GAS5: variants seen among roughly 807,000 people sequenced by gnomAD.
GAS5 encodes the protein growth arrest specific 5 (non-protein coding).
At chr1:173,865,707 T>C in intron 5 of GAS5, 1 of 519,214 alleles carries the variant, frequency 1.9e-6, no homozygotes, top group Non-Finnish European at 3.8e-6. Flanking sequence ...CCAAACATGC[T>C]CAAGGAAAAC....
chr1:173,865,857 C>T (rs1654515234), exon 5 of GAS5: 1 of 515,314 alleles, frequency 1.9e-6, no homozygotes, highest in African/African-American at 1.9e-5. Flanking sequence ...TAATACTTAC[C>T]AGAACCATTA....
At chr1:173,866,754 AACTT>A (rs753041648) in intron 2 of GAS5, 8 of 765,490 alleles carry the variant, frequency 1.0e-5, no homozygotes, top group Admixed American at 1.7e-5. Flanking sequence ...GGGAATTTTC[AACTT>A]ACTTCAGTAG....
At chr1:173,864,746 A>C in intron 6 of GAS5, 1 of 508,470 alleles carries the variant, frequency 2.0e-6, no homozygotes, top group Non-Finnish European at 3.9e-6. Flanking sequence ...ACTTGCATAC[A>C]ATTAGGAGTA....
intron 6 of GAS5, chr1:173,864,872 G>GT (rs1557869438): frequency 1.9e-6 from 1 of 519,164 alleles, no homozygotes; most frequent in Non-Finnish European, 3.8e-6. Context: ...GCTCATCAGC[G>GT]TTAGTCTGCT....
At chr1:173,864,605 A>G (rs1654266869) in intron 6 of GAS5, 1 of 377,660 alleles carries the variant, frequency 2.6e-6, no homozygotes, top group Non-Finnish European at 5.2e-6. Context: ...ACTCCCATCT[A>G]CAGATTAAGG....
chr1:173,866,504 A>T (rs1490123246), intron 3 of GAS5: 2 of 677,172 alleles, frequency 3.0e-6, no homozygotes, highest in South Asian at 1.5e-5. Flanking sequence ...TAAAAGTGAG[A>T]AGTACAAAAT....
chr1:173,866,645 A>T (rs944972560), intron 2 of GAS5: 1 of 764,424 alleles, frequency 1.3e-6, no homozygotes, highest in Non-Finnish European at 2.4e-6. Flanking sequence ...GCCTCAGTTA[A>T]GATAATGGTG....
upstream of GAS5, chr1:173,867,949 A>AT (rs1572036492): frequency 2.8e-6 from 1 of 360,446 alleles, no homozygotes; most frequent in East Asian, 7.4e-5. Context: ...ATTCGCAAAG[A>AT]TAAAACATAC....
At chr1:173,866,685 G>A (rs566324400) in intron 2 of GAS5, 4 of 765,140 alleles carry the variant, frequency 5.2e-6, no homozygotes, top group Admixed American at 5.1e-5. Flanking sequence ...TAGCACTCAA[G>A]AGTAGCAAAT....
At chr1:173,867,098 A>G, upstream of GAS5, 1 of 629,466 alleles carries the variant, frequency 1.6e-6, no homozygotes, top group East Asian at 2.7e-5. Context: ...TTTTTTTTAA[A>G]GAGTGTTCTT....
At chr1:173,866,192 C>G in exon 4 of GAS5, 1 of 469,110 alleles carries the variant, frequency 2.1e-6, no homozygotes, top group Non-Finnish European at 4.3e-6. Flanking sequence ...CAACTTCCAG[C>G]TTTCTGTCTA....
intron 5 of GAS5, chr1:173,865,800 A>G: frequency 1.9e-6 from 1 of 516,054 alleles, no homozygotes; most frequent in Non-Finnish European, 3.9e-6. Flanking sequence ...CTCAGCAGTA[A>G]GCATATCACC....
intron 1 of GAS5, chr1:173,866,970 CAT>C: frequency 1.3e-6 from 1 of 765,458 alleles, no homozygotes; most frequent in South Asian, 1.3e-5. Context: ...TTCTTCCCAC[CAT>C]ACTTTCCCCA....
intron 6 of GAS5, chr1:173,864,316 G>A (rs942566227): frequency 9.7e-6 from 5 of 514,970 alleles, no homozygotes; most frequent in African/African-American, 9.6e-5. Flanking sequence ...TGAAAGCGAA[G>A]CCAACATATT....
exon 2 of GAS5, chr1:173,866,762 T>C: frequency 1.3e-6 from 1 of 765,402 alleles, no homozygotes; most frequent in Non-Finnish European, 2.4e-6. Flanking sequence ...TCAACTTACT[T>C]CAGTAGCTAT....
chr1:173,867,657 G>A (rs1386590513), upstream of GAS5: 1 of 518,998 alleles, frequency 1.9e-6, no homozygotes, highest in Admixed American at 1.9e-5. Flanking sequence ...TAGCTTACTC[G>A]GGTGACTCGG....
At chr1:173,868,647 C>T (rs1033463758), upstream of GAS5, 2 of 152,536 alleles carry the variant, frequency 1.3e-5, no homozygotes, top group African/African-American at 4.8e-5. Context: ...CCCCCTCCCC[C>T]ACCGCAGCCG....
upstream of GAS5, chr1:173,867,469 G>A (rs1441725995): frequency 2.8e-6 from 1 of 359,790 alleles, no homozygotes; most frequent in Non-Finnish European, 5.5e-6. Flanking sequence ...CCGATGTCGA[G>A]CCACTGCATT....
intron 6 of GAS5, chr1:173,864,644 C>G: frequency 1.0e-5 from 4 of 390,708 alleles, no homozygotes; most frequent in Non-Finnish European, 1.5e-5. Context: ...CTTTTGCCAC[C>G]TTAAAAATTT....
Sources: gnomAD v4.1 joint callset for allele counts on GRCh38, gnomAD v4.1.1 for gene constraint, MANE v1.5 for transcripts, NCBI Gene and HGNC (gene_info 2026-07-23, HGNC 2026-07-21) for gene names.